Variants in EIPR1 observed in about 807,000 individuals in gnomAD.
EIPR1 encodes EARP and GARP complex-interacting protein 1.
Under a neutral mutation model 48.1 loss-of-function variants are expected in EIPR1, and 25 were observed. The observed-to-expected ratio is 0.52, with a 90% CI of 0.38 to 0.73. The LOEUF is 0.73. EIPR1 is among the 30% of genes least tolerant of loss of function. The probability of loss-of-function intolerance (pLI) is 0.00; values close to 1 mark genes in which losing one functional copy is unlikely to be tolerated. For missense variants in EIPR1, 415 were observed against 506.2 expected (o/e 0.82, Z 1.73); for synonymous variants, 204 against 201.9 (o/e 1.01, Z -0.09).
chr2:3,331,106 C>CGT (rs1491452898), intron 3 of EIPR1, among the ~76,000 whole-genome samples: 1 of 123,226 alleles, frequency 8.1e-6, no homozygotes, highest in Non-Finnish European at 1.8e-5. Context: ...CAGAGGCAGG[C>CGT]ACACACTCCT....
chr2:3,376,124 A>T (rs887387678), intron 1 of EIPR1, among the ~76,000 whole-genome samples: 1 of 151,888 alleles, frequency 6.6e-6, no homozygotes, highest in African/African-American at 2.4e-5. Context: ...AGGAAAAAAA[A>T]GGAATTTTCT....
chr2:3,325,727 A>G (rs764836947), intron 3 of EIPR1, among the ~76,000 whole-genome samples: 2 of 152,202 alleles, frequency 1.3e-5, no homozygotes, highest in Non-Finnish European at 2.9e-5. Flanking sequence ...GTTTCACTTG[A>G]GAGATTACCG....
chr2:3,310,308 A>G (rs1223491481), intron 3 of EIPR1, among the ~76,000 whole-genome samples: 1 of 152,078 alleles, frequency 6.6e-6, no homozygotes, highest in Non-Finnish European at 1.5e-5. Context: ...CCTTTTTAAT[A>G]TTTTTCTTAG....
intron 5 of EIPR1, among the ~76,000 whole-genome samples, chr2:3,210,272 A>C (rs1169597887): frequency 6.6e-6 from 1 of 152,136 alleles, no homozygotes; most frequent in Non-Finnish European, 1.5e-5. Context: ...ATTGCCAGCC[A>C]CCTCCACGTT....
intron 5 of EIPR1, among the ~76,000 whole-genome samples, chr2:3,203,512 G>A (rs959487976): frequency 5.3e-5 from 8 of 152,248 alleles, no homozygotes; most frequent in African/African-American, 1.9e-4. Flanking sequence ...CACTGAGTCG[G>A]ACAGGAGAGC....
chr2:3,321,953 C>G (rs1371877622), intron 3 of EIPR1, among the ~76,000 whole-genome samples: 1 of 152,228 alleles, frequency 6.6e-6, no homozygotes, highest in Non-Finnish European at 1.5e-5. Flanking sequence ...TCAAATGATA[C>G]AGGCTGCTCT....
In EIPR1 at chr2:3,292,615, C is replaced by T. The variant is rs547662561; in HGVS notation, c.260-35160G>A. ...GACCTCCCCAAGGCCATACAGCCTC[C>T]GTGCCAGAGCCGGAACTCAAATCCA... On this transcript the variant is annotated intron_variant, in intron 3 of 8. Coordinates refer to ENST00000382125, the MANE Select transcript of EIPR1 (RefSeq NM_003310.5). Among the ~76,000 whole-genome samples, 7 of 152,288 alleles carry T rather than the reference C, an allele frequency of 4.6e-5. No homozygotes were observed. In the East Asian group the frequency reaches 9.7e-4, roughly 21 times the overall value.
intron 4 of EIPR1, among the ~76,000 whole-genome samples, chr2:3,234,461 G>A (rs966437550): frequency 5.9e-5 from 9 of 152,120 alleles, no homozygotes; most frequent in East Asian, 1.9e-4. Flanking sequence ...ACATCGCATC[G>A]AGGCTCCGGC....
chr2:3,197,462 G>A (rs994774151), intron 5 of EIPR1, among the ~76,000 whole-genome samples: 9 of 152,144 alleles, frequency 5.9e-5, no homozygotes, highest in East Asian at 1.9e-4. Context: ...CCCTCCCTCC[G>A]TCTCGAGGCC....
chr2:3,224,153 C>T (rs6732276), intron 4 of EIPR1, among the ~76,000 whole-genome samples: 139,202 of 152,238 alleles, frequency 0.91, 64,132 homozygotes, highest in East Asian at 0.98. Flanking sequence ...ACCGGCTAAA[C>T]TTGTCTCCCT....
At chr2:3,340,428 A>G (rs762186274) in intron 2 of EIPR1, among the ~76,000 whole-genome samples, 3 of 152,262 alleles carry the variant, frequency 2.0e-5, no homozygotes, top group Non-Finnish European at 4.4e-5. Context: ...CAGCAGGTTC[A>G]GAAACATTCC....
At chr2:3,249,184 T>C (rs1666931218) in intron 4 of EIPR1, among the ~76,000 whole-genome samples, 1 of 152,172 alleles carries the variant, frequency 6.6e-6, no homozygotes, top group South Asian at 2.1e-4. Flanking sequence ...TCTTAGAGAC[T>C]TATTGAGTGA....
chr2:3,281,712 A>G (rs1668016329), intron 3 of EIPR1, among the ~76,000 whole-genome samples: 2 of 152,222 alleles, frequency 1.3e-5, no homozygotes, highest in East Asian at 3.9e-4. Context: ...GAATATGCCA[A>G]ATATTCTTAT....
At chr2:3,282,834 G>A (rs924716937) in intron 3 of EIPR1, 4 of 152,236 alleles carry the variant, frequency 2.6e-5, no homozygotes, top group African/African-American at 7.2e-5. Context: ...ACTGACAAAC[G>A]GGCTTGGTTT....
intron 3 of EIPR1, among the ~76,000 whole-genome samples, chr2:3,321,693 T>C (rs1023843972): frequency 3.9e-5 from 6 of 152,222 alleles, no homozygotes; most frequent in Admixed American, 3.3e-4. Context: ...TTGACTTTCT[T>C]GTTAATCTGT....
intron 2 of EIPR1, among the ~76,000 whole-genome samples, chr2:3,346,818 C>A (rs898643981): frequency 2.6e-5 from 4 of 152,204 alleles, no homozygotes; most frequent in African/African-American, 7.2e-5. Context: ...TCATAAATTT[C>A]TCCTCAAACC....
intron 1 of EIPR1, among the ~76,000 whole-genome samples, chr2:3,363,409 A>C (rs566741088): frequency 6.6e-6 from 1 of 152,340 alleles, no homozygotes; most frequent in South Asian, 2.1e-4. Flanking sequence ...GAAGAGAAGA[A>C]AAGCAGCCAA....
Position 3,199,060 on chromosome 2 carries a change from G to GC in EIPR1, c.517-2044_517-2043insG, listed in dbSNP as rs1214394853. Among the ~76,000 whole-genome samples the GC allele has an allele frequency of 1.4e-3, 33 of 23,302 alleles. 1 individual carries two copies. Among genetic ancestry groups the GC allele is most frequent in the African/African-American group, 3.1e-3 (18 of 5,814 alleles). The allele number at this position is 23,302 out of a possible 152,430, so 15.3% of individuals were successfully genotyped here. A position where few individuals can be genotyped will look rare whatever the true frequency, so the allele number is the denominator to read the frequency against. On this transcript the variant is annotated intron_variant, in intron 5 of 8. Transcript: ENST00000382125. ...CACCCCCAGAGTGGCCATTTTAGAG[G>GC]GCCCCCCCCCCGCCCCGGGAATGCA...
At chr2:3,311,542 C>A (rs1014731811) in intron 3 of EIPR1, among the ~76,000 whole-genome samples, 9 of 152,288 alleles carry the variant, frequency 5.9e-5, no homozygotes, top group Admixed American at 5.2e-4. Flanking sequence ...ACAACAGTTT[C>A]TTTTTCTTCT....
Sources: allele counts gnomAD v4.1 joint callset (sites outside exome capture counted in the v4.1 genomes callset), GRCh38; gene constraint gnomAD v4.1.1; transcripts MANE v1.5; gene names NCBI Gene and HGNC (gene_info 2026-07-23, HGNC 2026-07-21).